ECPAS: variants seen among roughly 807,000 people sequenced by gnomAD.
ECPAS encodes the protein proteasome adapter and scaffold protein ECM29.
ECPAS carries 70 observed loss-of-function variants against 255.1 expected under a neutral mutation model. The ratio of observed to expected loss-of-function variants is 0.27; its 90% confidence interval spans 0.23 to 0.33. ECPAS has a LOEUF of 0.33. ECPAS is among the 10% of genes least tolerant of loss of function. The pLI, the probability that ECPAS is intolerant of heterozygous loss-of-function variation, is 1.00. For synonymous variants in ECPAS, 784 were observed against 775.0 expected, an observed-to-expected ratio of 1.01 and a Z score of -0.19; for missense variants, 1,817 against 2,206.4, an observed-to-expected ratio of 0.82 and a Z score of 3.54.
chr9:111,389,367 A>C (rs910448992), intron 31 of ECPAS, among the ~76,000 whole-genome samples, 189 bp downstream of exon 31: 6 of 152,254 alleles, frequency 3.9e-5, no homozygotes, highest in Non-Finnish European at 8.8e-5. Context: ...TGGAGATTTC[A>C]ATAAATGTTG....
intron 1 of ECPAS, among the ~76,000 whole-genome samples, chr9:111,475,449 G>A (rs973987792): frequency 6.6e-6 from 1 of 152,174 alleles, no homozygotes; most frequent in Admixed American, 6.6e-5. Flanking sequence ...AACAGAATGT[G>A]GTGGGCCAGG....
Position 111,411,190 on chromosome 9 carries a change from C to T in ECPAS, c.2215-48G>A, listed in dbSNP as rs371661387. 2.3e-5 allele frequency: 36 copies of T among 1,572,940 alleles called. No individual in the cohort carries two copies. In the African/African-American group the frequency reaches 2.3e-4, roughly 10 times the overall value. ...CATATCTCTGGCTCTCTCTCATATACGCAAGAATACATGGCAGTAACTGTG... is the reference window on the plus strand; with the variant it reads ...CATATCTCTGGCTCTCTCTCATATATGCAAGAATACATGGCAGTAACTGTG... On this transcript the variant is annotated intron_variant, in intron 21 of 49. Transcript: ENST00000684092.
intron 16 of ECPAS, 40 bp downstream of exon 16, chr9:111,419,977 A>G (rs755108528): frequency 1.4e-6 from 2 of 1,427,150 alleles, no homozygotes; most frequent in Middle Eastern, 1.8e-4. Flanking sequence ...AATAAATTCA[A>G]AATAAACCAA....
At chr9:111,468,983 T>G (rs1440418571) in intron 2 of ECPAS, among the ~76,000 whole-genome samples, 2 of 152,128 alleles carry the variant, frequency 1.3e-5, no homozygotes, top group East Asian at 3.9e-4. Context: ...AACCGGAAGT[T>G]AAAGTCCACT....
At chr9:111,401,676 C>T (rs1589148581) in intron 24 of ECPAS, among the ~76,000 whole-genome samples, 1 of 152,178 alleles carries the variant, frequency 6.6e-6, no homozygotes, top group African/African-American at 2.4e-5. Flanking sequence ...CAGACGCTCC[C>T]AGAGTAGCCA....
chr9:111,477,518 GACACACAC>G (rs144630575), intron 1 of ECPAS, among the ~76,000 whole-genome samples: 2 of 151,392 alleles, frequency 1.3e-5, no homozygotes, highest in East Asian at 3.9e-4. Flanking sequence ...ATACTAGTTA[GACACACAC>G]ACACACACAA....
chr9:111,399,224 C>A (rs1388569563), intron 24 of ECPAS, among the ~76,000 whole-genome samples: 1 of 152,092 alleles, frequency 6.6e-6, no homozygotes, highest in Non-Finnish European at 1.5e-5. Context: ...AGAATCTCAT[C>A]CCCTCCCCAT....
chr9:111,377,756 GAT>G (rs1050638121), intron 36 of ECPAS, among the ~76,000 whole-genome samples: 11 of 152,224 alleles, frequency 7.2e-5, no homozygotes, highest in African/African-American at 2.4e-4. Flanking sequence ...CTCAGGGAAT[GAT>G]ACTGTGGTGA....
chr9:111,387,594 A>G (rs2098151638), intron 31 of ECPAS, among the ~76,000 whole-genome samples: 1 of 151,110 alleles, frequency 6.6e-6, no homozygotes. Context: ...GCAGTTACTG[A>G]GGGACACAGT....
intron 20 of ECPAS, among the ~76,000 whole-genome samples, chr9:111,412,652 T>C (rs895977076): frequency 6.6e-5 from 10 of 152,210 alleles, no homozygotes; most frequent in Non-Finnish European, 1.0e-4. Flanking sequence ...CAGGCCCTAT[T>C]TGGACCTTTG....
At chr9:111,394,326 A>G in intron 25 of ECPAS, 21 bp from the exon 26 acceptor site, 1 of 1,500,784 alleles carries the variant, frequency 6.7e-7, no homozygotes, top group East Asian at 2.4e-5. Context: ...GCAAAGAAAA[A>G]TAACAAAGAA....
Position 111,412,131 on chromosome 9 carries a change from A to G in ECPAS, c.2097T>C (p.Ser699=). Residue 699 remains serine, a synonymous_variant, in exon 21 of 50, where the codon AGT becomes AGC. Transcript: ENST00000684092. ...TEWIKSLMNN[S]KEEMRELAAL... Reference sequence around the variant, plus strand: ...CTGCCAGTTCGCGCATTTCTTCTTTACTGTTATTCATCAGACTCTGAGCAG... The same window carrying G: ...CTGCCAGTTCGCGCATTTCTTCTTTGCTGTTATTCATCAGACTCTGAGCAG... 1 of 1,588,088 alleles carries G rather than the reference A, an allele frequency of 6.3e-7. No individual in the cohort carries two copies. The highest frequency in any genetic ancestry group is 8.5e-7 in the Non-Finnish European group (1 of 1,172,788).
Position 111,371,787 on chromosome 9 carries a change from G to C in ECPAS, c.4571C>G (p.Thr1524Ser), listed in dbSNP as rs1192608585. The change falls in exon 43 of 50, where the codon ACT becomes AGT. Residue 1524 changes from threonine (T) to serine (S), a missense_variant. Physicochemically the swap from Thr to Ser is moderately conservative, Grantham distance 58 (BLOSUM62 1). Coordinates refer to ENST00000684092, the MANE Select transcript of ECPAS (RefSeq NM_001364929.1). ...AGACTGCAAAGCCTTCTGGGTAATA[G>C]TAATTAACTCCTGCAGGTATAATCG... ...GIRLYLQELITITQKALQSQS... is the reference protein window; with the variant it reads ...GIRLYLQELISITQKALQSQS... 1.9e-6 allele frequency: 3 copies of C among 1,613,814 alleles called. No individual in the cohort carries two copies. Among genetic ancestry groups the C allele is most frequent in the South Asian group, 2.2e-5 (2 of 91,086 alleles).
chr9:111,414,340 A>G (rs1461333679), intron 19 of ECPAS, 89 bp downstream of exon 19: 1 of 1,129,674 alleles, frequency 8.9e-7, no homozygotes, highest in Admixed American at 2.2e-5. Flanking sequence ...AAGAAAAAGA[A>G]TAATTTTGCT....
intron 28 of ECPAS, 58 bp from the exon 29 acceptor site, chr9:111,391,882 G>C: frequency 9.6e-7 from 1 of 1,045,864 alleles, no homozygotes; most frequent in African/African-American, 1.6e-5. Context: ...CATTCAACTA[G>C]CCAATACGAT....
chr9:111,366,305 G>A lies in ECPAS; in HGVS notation c.5242C>T (p.His1748Tyr). ...TCAGCCAAAGCCTCAGGATCGGCAT[G>A]TTCTTCTTCCAAAAGCATTAACCTA... is the stretch of plus-strand genomic sequence containing the variant. ...FQGLMLLEEE[H>Y]ADPEALAEIL... Residue 1748 changes from histidine (H) to tyrosine (Y), a missense_variant, in exon 48 of 50, where the codon CAT becomes TAT. Physicochemically the swap from His to Tyr is moderately conservative, Grantham distance 83. Coordinates refer to ENST00000684092, the MANE Select transcript of ECPAS (RefSeq NM_001364929.1). The A allele has an allele frequency of 6.3e-7, 1 of 1,576,510 alleles. No homozygotes were observed. The highest frequency in any genetic ancestry group is 8.6e-7 in the Non-Finnish European group (1 of 1,159,488).
intron 30 of ECPAS, 99 bp from the exon 31 acceptor site, chr9:111,389,822 GATTT>G (rs2098156571): frequency 7.7e-7 from 1 of 1,291,010 alleles, no homozygotes; most frequent in African/African-American, 1.5e-5. Flanking sequence ...AATACAGCCT[GATTT>G]ATTGGTCTTT....
intron 5 of ECPAS, among the ~76,000 whole-genome samples, chr9:111,441,281 A>ATCATCTGAGG (rs1413187468): frequency 6.6e-6 from 1 of 152,070 alleles, no homozygotes; most frequent in Non-Finnish European, 1.5e-5. Flanking sequence ...AGGTGGGCAG[A>ATCATCTGAGG]TCATCTGAGG....
rs777841083 is a variant in ECPAS, at chr9:111,412,054, G to A, written c.2174C>T (p.Ser725Leu). 11 of 1,587,366 alleles carry A rather than the reference G, an allele frequency of 6.9e-6. No individual in the cohort carries two copies. Among genetic ancestry groups the A allele is most frequent in the Admixed American group, 3.9e-5 (2 of 51,676 alleles). ...VSTVSGNELK[S>L]MIEQLIKTTK... ...AGTCTTTATAAGCTGTTCTATCATT[G>A]ATTTCAACTCATTCCCCGACACTGT... Residue 725 changes from serine (S) to leucine (L), a missense_variant, in exon 21 of 50, where the codon TCA (serine) becomes TTA (leucine). Ser to Leu is a moderately radical substitution (Grantham distance 145, BLOSUM62 -2). Around this residue, in one of 4 missense-constraint regions of ECPAS, gnomAD observed 194 missense variants for 152.8 expected, o/e 1.27. Transcript: ENST00000684092.
Sources: gnomAD v4.1 joint callset for allele counts (sites outside exome capture counted in the v4.1 genomes callset) on GRCh38, gnomAD v4.1.1 for gene constraint, gnomAD v4.1.1 regional missense constraint, MANE v1.5 for transcripts, NCBI Gene and HGNC (gene_info 2026-07-23, HGNC 2026-07-21) for gene names.